DPP6: variants seen among roughly 807,000 people sequenced by gnomAD.
DPP6 encodes A-type potassium channel modulatory protein DPP6.
DPP6 carries 69 observed loss-of-function variants against 122.6 expected under a neutral mutation model. That is an observed-to-expected ratio of 0.56 (90% CI 0.46 to 0.69). DPP6 has a LOEUF of 0.69. Ranked by LOEUF, DPP6 falls within the 30% of genes least tolerant of loss-of-function variation. The pLI is 0.00. For synonymous variants in DPP6, 418 were observed against 433.1 expected, an observed-to-expected ratio of 0.97 and a Z score of 0.43; for missense variants, 928 against 1,116.9, an observed-to-expected ratio of 0.83 and a Z score of 2.41.
rs1269567316 is a variant in DPP6, at chr7:154,814,409, G to A, written c.1666+7297G>A. On this transcript the variant is annotated intron_variant, in intron 16 of 25. Transcript: ENST00000377770. ...TCATCCCCTTACAGGAGGGATGAAT[G>A]AGAAGTCAGAGAACATGAAAGTGGC... Among the ~76,000 whole-genome samples the A allele has an allele frequency of 2.0e-5, 3 of 152,142 alleles. No individual in the cohort carries two copies. The East Asian group carries it at 5.8e-4, about 29-fold the overall frequency.
chr7:154,447,477 A>G (rs1586299335), intron 2 of DPP6, among the ~76,000 whole-genome samples: 1 of 152,230 alleles, frequency 6.6e-6, no homozygotes, highest in African/African-American at 2.4e-5. Context: ...CTTAAGATGA[A>G]AAAAAGTAGA....
chr7:154,834,294 C>G (rs2150529860), intron 16 of DPP6, among the ~76,000 whole-genome samples: 1 of 137,270 alleles, frequency 7.3e-6, no homozygotes, highest in East Asian at 2.2e-4. Context: ...ATGGTGAAAC[C>G]TCGTCTCTAC....
At chr7:154,811,298 A>G (rs1799044829) in intron 16 of DPP6, among the ~76,000 whole-genome samples, 1 of 152,252 alleles carries the variant, frequency 6.6e-6, no homozygotes, top group Non-Finnish European at 1.5e-5. Flanking sequence ...AGCAGTTACC[A>G]GTGATAACTG....
intron 20 of DPP6, 133 bp from the exon 21 acceptor site, chr7:154,880,755 T>A: frequency 6.9e-7 from 1 of 1,453,366 alleles, no homozygotes; most frequent in South Asian, 1.2e-5. Flanking sequence ...TATATTGGAA[T>A]GCTAAGGTTG....
intron 8 of DPP6, among the ~76,000 whole-genome samples, chr7:154,749,847 G>A (rs1366187847): frequency 2.3e-5 from 3 of 132,356 alleles, no homozygotes; most frequent in South Asian, 2.8e-4. Context: ...AGCATAGGAC[G>A]GGAAAGAGAG....
At chr7:154,262,352 G>C (rs1803083676) in intron 1 of DPP6, among the ~76,000 whole-genome samples, 3 of 152,174 alleles carry the variant, frequency 2.0e-5, no homozygotes. Flanking sequence ...GGCCATAGAG[G>C]TGGAACTTAC....
intron 17 of DPP6, among the ~76,000 whole-genome samples, chr7:154,860,038 T>C (rs1450931467): frequency 6.6e-6 from 1 of 152,130 alleles, no homozygotes; most frequent in African/African-American, 2.4e-5. Context: ...AAAAGTTAGG[T>C]TTCTCTACCT....
At chr7:153,839,935 A>C in the DPP6 span, among the ~76,000 whole-genome samples, 1 of 152,350 alleles carries the variant, frequency 6.6e-6, no homozygotes, top group South Asian at 2.1e-4. Context: ...AATACATAGA[A>C]GAATTCTACA....
At chr7:154,887,255 C>G (rs1247771886) in intron 22 of DPP6, among the ~76,000 whole-genome samples, 1 of 152,208 alleles carries the variant, frequency 6.6e-6, no homozygotes, top group East Asian at 1.9e-4. Flanking sequence ...CGCAGGGCCT[C>G]AGGCAGAACC....
At chr7:153,764,525 G>T in the DPP6 span, among the ~76,000 whole-genome samples, 3,955 of 152,266 alleles carry the variant, frequency 0.026, 146 homozygotes, top group African/African-American at 0.089. Flanking sequence ...GTCACATGGT[G>T]GTTATGGATC....
At chr7:153,941,542 C>T (rs996411708) in intron 1 of DPP6, among the ~76,000 whole-genome samples, 2 of 152,298 alleles carry the variant, frequency 1.3e-5, no homozygotes, top group African/African-American at 4.8e-5. Context: ...GCCCCACAGA[C>T]TCCATCACTT....
At chr7:154,485,356 G>A (rs953819221) in intron 3 of DPP6, among the ~76,000 whole-genome samples, 1 of 152,134 alleles carries the variant, frequency 6.6e-6, no homozygotes, top group African/African-American at 2.4e-5. Context: ...TAAACCACCA[G>A]TTTATTTTTT....
intron 16 of DPP6, among the ~76,000 whole-genome samples, chr7:154,816,937 G>T (rs1236734977): frequency 6.6e-6 from 1 of 152,138 alleles, no homozygotes; most frequent in Non-Finnish European, 1.5e-5. Context: ...GTCCACCGTG[G>T]TCCTCACAGT....
chr7:154,103,409 T>G (rs979370654), intron 1 of DPP6, among the ~76,000 whole-genome samples: 33 of 152,260 alleles, frequency 2.2e-4, no homozygotes, highest in Admixed American at 5.2e-4. Flanking sequence ...GGAGGGGAAA[T>G]TATAAATGTC....
rs1222607259 is a variant in DPP6 at position 154,200,927 on chromosome 7, G to C, written c.243+147864G>C. Reference sequence around the variant, plus strand: ...ATAAGATTAGTATAGAATCTTCTTAGAATTGGTTTCCTTTAAAAAAAAAAA... The same window carrying C: ...ATAAGATTAGTATAGAATCTTCTTACAATTGGTTTCCTTTAAAAAAAAAAA... On this transcript the variant is annotated intron_variant, in intron 1 of 25. Transcript: ENST00000377770. Among the ~76,000 whole-genome samples the C allele has an allele frequency of 6.6e-5, 10 of 151,956 alleles. No homozygotes were observed. In the East Asian group the frequency reaches 1.7e-3, roughly 26 times the overall value.
At chr7:154,297,795 T>C (rs975214307) in intron 1 of DPP6, among the ~76,000 whole-genome samples, 5 of 152,166 alleles carry the variant, frequency 3.3e-5, no homozygotes, top group African/African-American at 1.2e-4. Flanking sequence ...TGGTTCCAGA[T>C]TGTAGCAAGC....
intron 1 of DPP6, among the ~76,000 whole-genome samples, chr7:154,110,137 T>C (rs2150583666): frequency 6.6e-6 from 1 of 152,092 alleles, no homozygotes; most frequent in African/African-American, 2.4e-5. Flanking sequence ...ACTGTGGCTT[T>C]CAGGCTACCA....
intron 1 of DPP6, among the ~76,000 whole-genome samples, chr7:154,113,412 T>TATATATACACACACAC (rs1472172445): frequency 2.2e-3 from 316 of 141,148 alleles, no homozygotes; most frequent in African/African-American, 7.8e-3. Flanking sequence ...TATATATATA[T>TATATATACACACACAC]ACACACACAC....
intron 1 of DPP6, among the ~76,000 whole-genome samples, chr7:153,994,221 G>A (rs1357592758): frequency 6.6e-6 from 1 of 151,254 alleles, no homozygotes; most frequent in Non-Finnish European, 1.5e-5. Flanking sequence ...CTACAATGAG[G>A]GAATAAAAAA....
Sources: allele counts gnomAD v4.1 joint callset (sites outside exome capture counted in the v4.1 genomes callset), GRCh38; gene constraint gnomAD v4.1.1; transcripts MANE v1.5; gene names NCBI Gene and HGNC (gene_info 2026-07-23, HGNC 2026-07-21).